The following NRCAM variants were observed in gnomAD, a reference collection of about 807,000 sequenced individuals.
NRCAM encodes the protein neuronal cell adhesion molecule, also known as NgCAM-related cell adhesion molecule.
Under a neutral mutation model 156.5 loss-of-function variants are expected in NRCAM, and 83 were observed. That is an observed-to-expected ratio of 0.53 (90% CI 0.44 to 0.64). The LOEUF (loss-of-function observed/expected upper bound fraction) is 0.64. NRCAM is among the 30% of genes least tolerant of loss of function. NRCAM has a pLI of 0.00. For synonymous variants in NRCAM, 538 were observed against 563.9 expected (o/e 0.95, Z 0.65); for missense variants, 1,417 against 1,597.3 (o/e 0.89, Z 1.92).
intron 3 of NRCAM, among the ~76,000 whole-genome samples, chr7:108,257,865 C>T (rs1001153762): frequency 1.3e-5 from 2 of 152,046 alleles, no homozygotes; most frequent in African/African-American, 4.8e-5. Flanking sequence ...GGATCAGTTT[C>T]ATCAAGCGTC....
At chr7:108,370,119 T>C (rs2099619052) in intron 2 of NRCAM, among the ~76,000 whole-genome samples, 1 of 152,166 alleles carries the variant, frequency 6.6e-6, no homozygotes, top group African/African-American at 2.4e-5. Context: ...TCTATACTTA[T>C]CATTATTTTT....
intron 1 of NRCAM, among the ~76,000 whole-genome samples, chr7:108,444,544 G>A (rs1045085897): frequency 6.6e-6 from 1 of 152,142 alleles, no homozygotes; most frequent in African/African-American, 2.4e-5. Context: ...CCGCAGGGTT[G>A]GTCCCTTCCA....
intron 2 of NRCAM, among the ~76,000 whole-genome samples, chr7:108,359,742 A>C (rs1412890070): frequency 6.6e-6 from 1 of 152,186 alleles, no homozygotes; most frequent in Non-Finnish European, 1.5e-5. Context: ...AAACAGAAAA[A>C]TGTACAGATC....
chr7:108,455,760 C>A (rs192708403), intron 1 of NRCAM, among the ~76,000 whole-genome samples: 223 of 152,298 alleles, frequency 1.5e-3, no homozygotes, highest in African/African-American at 5.1e-3. Flanking sequence ...CGTGCGCTCC[C>A]GGCCCGGCCC....
At chr7:108,392,018 A>C (rs1218472289) in intron 2 of NRCAM, among the ~76,000 whole-genome samples, 2 of 151,954 alleles carry the variant, frequency 1.3e-5, no homozygotes, top group African/African-American at 4.8e-5. Context: ...TTTTTCCTTC[A>C]TTTCAACTTT....
intron 2 of NRCAM, among the ~76,000 whole-genome samples, chr7:108,390,180 T>C (rs2099755074): frequency 6.6e-6 from 1 of 152,186 alleles, no homozygotes; most frequent in African/African-American, 2.4e-5. Context: ...ATCCATCTGG[T>C]CCTGGACTTT....
intron 7 of NRCAM, 77 bp downstream of exon 7, chr7:108,232,249 T>G: frequency 9.4e-7 from 1 of 1,061,162 alleles, no homozygotes; most frequent in Non-Finnish European, 1.4e-6. Context: ...TGAATAGTAT[T>G]TGGATGATGT....
intron 2 of NRCAM, among the ~76,000 whole-genome samples, chr7:108,322,017 T>C (rs2099008063): frequency 6.6e-6 from 1 of 152,230 alleles, no homozygotes; most frequent in South Asian, 2.1e-4. Context: ...AGGAAGACTT[T>C]TTTAAAAAAT....
At chr7:108,269,311 T>C (rs1328604825) in intron 3 of NRCAM, among the ~76,000 whole-genome samples, 2 of 152,216 alleles carry the variant, frequency 1.3e-5, no homozygotes, top group Non-Finnish European at 2.9e-5. Flanking sequence ...AAGGAGTTGC[T>C]TTAGACTATG....
chr7:108,233,485 T>C (rs748375481), intron 6 of NRCAM, among the ~76,000 whole-genome samples: 7 of 152,156 alleles, frequency 4.6e-5, no homozygotes, highest in Admixed American at 1.3e-4. Context: ...TCACACTCCA[T>C]ATATCAACAA....
intron 20 of NRCAM, among the ~76,000 whole-genome samples, chr7:108,188,791 G>C (rs2069011570): frequency 5.0e-5 from 1 of 19,902 alleles, no homozygotes; most frequent in Non-Finnish European, 1.9e-4. Context: ...ACAAGATAGA[G>C]GAGGGGCTTT....
At position 108,440,460 on chromosome 7, in the gene NRCAM, C is replaced by T. The variant is rs546722185; in HGVS notation, c.-332+15783G>A. ...AGTTTTCTACATTCATCAACCATACCCTTTATAATTTGTTACACCAATTAA... is the reference window on the plus strand; with the variant it reads ...AGTTTTCTACATTCATCAACCATACTCTTTATAATTTGTTACACCAATTAA... On this transcript the variant is annotated intron_variant, in intron 1 of 32. Coordinates refer to ENST00000379028, the MANE Select transcript of NRCAM (RefSeq NM_001037132.4). 2.6e-5 allele frequency among the ~76,000 whole-genome samples: 4 copies of T among 152,112 alleles called. No individual in the cohort carries two copies. The South Asian group carries it at 8.3e-4, about 32-fold the overall frequency.
chr7:108,182,647 T>C (rs1383702202), intron 23 of NRCAM, 48 bp downstream of exon 23: 14 of 1,566,970 alleles, frequency 8.9e-6, no homozygotes, highest in Non-Finnish European at 1.2e-5. Context: ...GGCTTGCACC[T>C]TGGTAAGTCT....
chr7:108,198,256 C>T (rs752465012), intron 13 of NRCAM, among the ~76,000 whole-genome samples, 157 bp from the exon 14 acceptor site: 7 of 152,138 alleles, frequency 4.6e-5, no homozygotes, highest in Non-Finnish European at 1.0e-4. Flanking sequence ...TTTTCCTTCT[C>T]AGAATTGAGT....
chr7:108,296,511 A>G lies in NRCAM; in HGVS notation c.-107+16154T>C, dbSNP rs545068450. ...CTGAAGCAGTAGCAACTCAATAAAT[A>G]TAGAACTGAATTAAGGAAACCAAGC... On this transcript the variant is annotated intron_variant, in intron 3 of 32. Transcript: ENST00000379028. Among the ~76,000 whole-genome samples the G allele has an allele frequency of 4.6e-5, 7 of 152,256 alleles. No homozygotes were observed. The South Asian group carries it at 1.5e-3, about 32-fold the overall frequency.
At chr7:108,301,228 A>G (rs2098604816) in intron 3 of NRCAM, among the ~76,000 whole-genome samples, 1 of 152,234 alleles carries the variant, frequency 6.6e-6, no homozygotes, top group Non-Finnish European at 1.5e-5. Flanking sequence ...CCAGGAAAAG[A>G]GTTAAGGACA....
chr7:108,158,836 A>C (rs1563183356), intron 32 of NRCAM, among the ~76,000 whole-genome samples: 1 of 152,188 alleles, frequency 6.6e-6, no homozygotes, highest in Non-Finnish European at 1.5e-5. Flanking sequence ...TTTAAAGAGA[A>C]GATTTTTAAA....
chr7:108,193,518 G>A (rs2073353190), intron 17 of NRCAM, among the ~76,000 whole-genome samples: 1 of 152,198 alleles, frequency 6.6e-6, no homozygotes, highest in Non-Finnish European at 1.5e-5. Context: ...TCTGCAGCAT[G>A]CTTGGGCTCT....
chr7:108,444,617 C>T (rs2154487307), intron 1 of NRCAM, among the ~76,000 whole-genome samples: 1 of 152,238 alleles, frequency 6.6e-6, no homozygotes, highest in Admixed American at 6.5e-5. Flanking sequence ...TGCTGGCAAC[C>T]TTTGGCCATT....
Sources: allele counts gnomAD v4.1 joint callset (sites outside exome capture counted in the v4.1 genomes callset), GRCh38; gene constraint gnomAD v4.1.1; transcripts MANE v1.5; gene names NCBI Gene and HGNC (gene_info 2026-07-23, HGNC 2026-07-21).